Variants in AGBL4 observed in about 807,000 individuals in gnomAD.
The protein encoded by AGBL4 is cytosolic carboxypeptidase 6.
AGBL4 carries 58 observed loss-of-function variants against 66.4 expected under a neutral mutation model. The observed-to-expected ratio is 0.87, with a 90% confidence interval of 0.71 to 1.09. The LOEUF is 1.09. Ranked by LOEUF, AGBL4 falls within the 50% of genes least tolerant of loss-of-function variation. AGBL4 has a pLI of 0.00. For synonymous variants in AGBL4, 234 were observed against 222.9 expected (o/e 1.05, Z -0.44); for missense variants, 579 against 631.0 (o/e 0.92, Z 0.88).
rs139917631 is a variant in AGBL4, at chr1:48,983,553, T to C, written c.594+62031A>G. ...AAAATTATGGGGGAAAAAAACCTTA[T>C]CCTAAGTAGTTTCCATCAAGCAAAC... On this transcript the variant is annotated intron_variant, in intron 5 of 13. Transcript: ENST00000371839. 1.4e-4 allele frequency among the ~76,000 whole-genome samples: 21 copies of C among 152,306 alleles called. No homozygotes were observed. In the East Asian group the frequency reaches 4.1e-3, roughly 29 times the overall value.
chr1:49,263,981 C>T (rs1653484965), intron 3 of AGBL4, among the ~76,000 whole-genome samples: 1 of 152,098 alleles, frequency 6.6e-6, no homozygotes, highest in Non-Finnish European at 1.5e-5. Context: ...CATTTATCAA[C>T]ATAGAGAAAC....
intron 3 of AGBL4, among the ~76,000 whole-genome samples, chr1:49,506,766 T>C (rs1648725636): frequency 6.6e-6 from 1 of 152,064 alleles, no homozygotes; most frequent in African/African-American, 2.4e-5. Flanking sequence ...GTTTACTTAA[T>C]TGGGGAATCA....
chr1:49,905,043 T>C (rs1650138031), intron 1 of AGBL4, among the ~76,000 whole-genome samples: 1 of 152,206 alleles, frequency 6.6e-6, no homozygotes, highest in South Asian at 2.1e-4. Context: ...AGAATTCCTC[T>C]TGTGATGATT....
At chr1:49,888,684 TA>T (rs2148161701) in intron 1 of AGBL4, among the ~76,000 whole-genome samples, 1 of 152,278 alleles carries the variant, frequency 6.6e-6, no homozygotes, top group South Asian at 2.1e-4. Context: ...TTCAGCTCAA[TA>T]GATGAAAAAA....
chr1:48,672,908 T>C (rs1462198769), intron 6 of AGBL4, among the ~76,000 whole-genome samples: 1 of 152,194 alleles, frequency 6.6e-6, no homozygotes, highest in East Asian at 1.9e-4. Flanking sequence ...AGGAACCGTT[T>C]TGAGCAGTTA....
At chr1:49,407,483 C>T (rs1645229579) in intron 3 of AGBL4, among the ~76,000 whole-genome samples, 1 of 152,178 alleles carries the variant, frequency 6.6e-6, no homozygotes, top group South Asian at 2.1e-4. Flanking sequence ...GAGCCAATTC[C>T]TCATAATAAA....
At chr1:49,198,598 C>T (rs139933524) in intron 4 of AGBL4, among the ~76,000 whole-genome samples, 2 of 152,186 alleles carry the variant, frequency 1.3e-5, no homozygotes, top group Admixed American at 1.3e-4. Flanking sequence ...CCTCAGCCTC[C>T]CAAAGTGCTA....
chr1:48,655,706 G>A (rs1216732469), intron 7 of AGBL4, among the ~76,000 whole-genome samples: 1 of 152,206 alleles, frequency 6.6e-6, no homozygotes, highest in Non-Finnish European at 1.5e-5. Flanking sequence ...AACAGGATTA[G>A]TTTTAGAAGT....
chr1:49,542,896 CAAAAAAAAAAAAAAAAA>C (rs35734647), intron 3 of AGBL4, among the ~76,000 whole-genome samples: 12 of 22,892 alleles, frequency 5.2e-4, no homozygotes, highest in African/African-American at 2.4e-3. Context: ...AAGACTCCAT[CAAAAAAAAAAAAAAAAA>C]AAAAAAAAAA....
intron 5 of AGBL4, among the ~76,000 whole-genome samples, chr1:49,033,997 T>C (rs1664442078): frequency 6.6e-6 from 1 of 151,958 alleles, no homozygotes; most frequent in Non-Finnish European, 1.5e-5. Flanking sequence ...ATTGCAGAAC[T>C]GGGCCAATCC....
At chr1:49,843,563 C>G (rs1440511018) in intron 2 of AGBL4, among the ~76,000 whole-genome samples, 1 of 152,206 alleles carries the variant, frequency 6.6e-6, no homozygotes. Flanking sequence ...CTGACTGTGA[C>G]CCTTCTGCCT....
At chr1:49,849,947 G>C (rs756977931) in intron 2 of AGBL4, among the ~76,000 whole-genome samples, 1 of 152,134 alleles carries the variant, frequency 6.6e-6, no homozygotes, top group Non-Finnish European at 1.5e-5. Flanking sequence ...AAGAATCAAA[G>C]ATATTATGTA....
chr1:49,764,552 A>G (rs777935361), intron 2 of AGBL4, among the ~76,000 whole-genome samples: 23 of 152,000 alleles, frequency 1.5e-4, no homozygotes, highest in Non-Finnish European at 3.1e-4. Context: ...GGATTCATAT[A>G]TGCTGTCCAT....
At chr1:49,436,568 T>C (rs1209284048) in intron 3 of AGBL4, among the ~76,000 whole-genome samples, 1 of 152,138 alleles carries the variant, frequency 6.6e-6, no homozygotes, top group Admixed American at 6.5e-5. Context: ...GGATTTACTT[T>C]CACACAAATA....
rs532458934 is a variant in AGBL4 at position 49,431,657 on chromosome 1, A to T, written c.283-185793T>A. On this transcript the variant is annotated intron_variant, in intron 3 of 13. Transcript: ENST00000371839. ...TTTGCTGTAATCATGTATTTTTTTA[A>T]AAAAATATGACCCACTAATTCCTAG... Among the ~76,000 whole-genome samples the T allele has an allele frequency of 9.2e-4, 140 of 152,210 alleles. 1 individual carries two copies. In the South Asian group the frequency reaches 0.023, roughly 25 times the overall value.
chr1:49,804,898 A>G (rs1045437114), intron 2 of AGBL4, among the ~76,000 whole-genome samples: 23 of 152,350 alleles, frequency 1.5e-4, no homozygotes, highest in Admixed American at 7.2e-4. Flanking sequence ...TGAGGTTTAT[A>G]GCAACATTTT....
rs61233999 is a variant in AGBL4, at chr1:48,646,513, ATGTGTG to A, written c.839+6818_839+6823del. On this transcript the variant is annotated intron_variant, in intron 8 of 13. Coordinates refer to ENST00000371839, the MANE Select transcript of AGBL4 (RefSeq NM_032785.4). ...GGAAGAGGTAGGTAGACCAGTTATA[ATGTGTG>A]TGTGTGTGTGTGTGTGTGTGTGTGT... 2.5e-3 allele frequency among the ~76,000 whole-genome samples: 327 copies of A among 131,518 alleles called. 1 individual carries two copies. The highest frequency in any genetic ancestry group is 5.8e-3 in the African/African-American group (202 of 35,018). The allele number at this position is 131,518 out of a possible 152,430, so 86.3% of individuals were successfully genotyped here.
At chr1:48,977,287 A>G (rs1257477325) in intron 5 of AGBL4, among the ~76,000 whole-genome samples, 3 of 152,152 alleles carry the variant, frequency 2.0e-5, no homozygotes, top group Admixed American at 6.6e-5. Flanking sequence ...ATTGGTGTCT[A>G]AAAATATATT....
intron 3 of AGBL4, among the ~76,000 whole-genome samples, chr1:49,623,287 T>C (rs754057984): frequency 3.3e-5 from 5 of 152,204 alleles, no homozygotes; most frequent in African/African-American, 1.2e-4. Context: ...TTCATTACCA[T>C]GTTGGAAGAA....
Sources: allele counts gnomAD v4.1 joint callset (sites outside exome capture counted in the v4.1 genomes callset), GRCh38; gene constraint gnomAD v4.1.1; transcripts MANE v1.5; gene names NCBI Gene and HGNC (gene_info 2026-07-23, HGNC 2026-07-21).